Variants in SLC25A48 observed in about 807,000 individuals in gnomAD.
SLC25A48 encodes the protein solute carrier family 25 member 48.
In SLC25A48, 29 loss-of-function variants were observed where a neutral mutation model predicts 32.2. The ratio of observed to expected loss-of-function variants is 0.90; its 90% CI spans 0.67 to 1.23. The LOEUF (loss-of-function observed/expected upper bound fraction) is 1.23. SLC25A48 is among the 50% of genes most tolerant of loss of function. The pLI is 0.00. For synonymous variants in SLC25A48, 164 were observed against 172.3 expected, an observed-to-expected ratio of 0.95 and a Z score of 0.38; for missense variants, 399 against 422.7, an observed-to-expected ratio of 0.94 and a Z score of 0.49.
At chr5:135,769,157 A>C (rs1278732218) in intron 3 of SLC25A48, among the ~76,000 whole-genome samples, 6 of 145,730 alleles carry the variant, frequency 4.1e-5, no homozygotes, top group African/African-American at 1.5e-4. Flanking sequence ...AGGGGTGTAC[A>C]CCCCCCTGTG....
rs201618673 is a variant in SLC25A48 at position 135,886,787 on chromosome 5, C to T, written c.*8-1245C>T. 4.8e-4 allele frequency among the ~76,000 whole-genome samples: 72 copies of T among 149,596 alleles called. 1 individual carries two copies. Among genetic ancestry groups the T allele is most frequent in the Non-Finnish European group, 8.9e-4 (60 of 67,446 alleles). ...TGGCAGGGACCCTGCCCTCAGGGAG[C>T]TTAGTATCAGGCATTAATTTCTGTT... On this transcript the variant is annotated intron_variant, in intron 7 of 7. Transcript: ENST00000681962.
intron 4 of SLC25A48, among the ~76,000 whole-genome samples, chr5:135,814,520 ATGAGT>A (rs1223408702): frequency 2.6e-5 from 4 of 152,152 alleles, no homozygotes; most frequent in Admixed American, 1.3e-4. Context: ...CAGACAAAAT[ATGAGT>A]CATCAGAAAG....
intron 1 of SLC25A48, among the ~76,000 whole-genome samples, chr5:135,599,221 G>A (rs906593359): frequency 6.6e-6 from 1 of 152,050 alleles, no homozygotes; most frequent in African/African-American, 2.4e-5. Context: ...GGACAGTGTG[G>A]CTGCCTTCTC....
At chr5:135,879,609 A>T (rs55692048) in intron 6 of SLC25A48, among the ~76,000 whole-genome samples, 18,855 of 125,412 alleles carry the variant, frequency 0.15, 1,364 homozygotes, top group African/African-American at 0.28. Flanking sequence ...AGAGAGAGAG[A>T]GAGTGTGTGT....
rs192253787 is a variant in SLC25A48, at chr5:135,710,271, G to C, written c.-521+75315G>C. ...CTGTATGTACTCATAGCTGATGCAG[G>C]AAATGGGAATTATAGCCTCAATTAC... On this transcript the variant is annotated intron_variant, in intron 3 of 10. Transcript: ENST00000646290. Among the ~76,000 whole-genome samples the C allele has an allele frequency of 8.5e-5, 13 of 152,344 alleles. No individual in the cohort carries two copies. The East Asian group carries it at 2.5e-3, about 29-fold the overall frequency.
chr5:135,611,230 C>T (rs532435873), intron 1 of SLC25A48, among the ~76,000 whole-genome samples: 22 of 152,044 alleles, frequency 1.4e-4, no homozygotes, highest in Non-Finnish European at 2.5e-4. Flanking sequence ...CTTGTCAGGC[C>T]GGGGTGCGGT....
intron 1 of SLC25A48, among the ~76,000 whole-genome samples, chr5:135,590,004 T>A (rs1751478774): frequency 6.6e-6 from 1 of 152,344 alleles, no homozygotes; most frequent in South Asian, 2.1e-4. Flanking sequence ...AGATGCATTT[T>A]AAATCCAGTC....
At chr5:135,628,825 C>T (rs931128878) in intron 1 of SLC25A48, among the ~76,000 whole-genome samples, 4 of 152,124 alleles carry the variant, frequency 2.6e-5, no homozygotes, top group African/African-American at 7.2e-5. Flanking sequence ...ATGTCAGAGG[C>T]GTCATTACCA....
chr5:135,740,121 A>G (rs1755466106), intron 3 of SLC25A48, among the ~76,000 whole-genome samples: 1 of 152,194 alleles, frequency 6.6e-6, no homozygotes, highest in African/African-American at 2.4e-5. Context: ...TCAAATGGAA[A>G]GAGATTGCTA....
chr5:135,673,695 A>G (rs993642657), intron 3 of SLC25A48, among the ~76,000 whole-genome samples: 3 of 152,044 alleles, frequency 2.0e-5, no homozygotes, highest in Non-Finnish European at 4.4e-5. Context: ...CTTTTAATGA[A>G]CAAATATTTT....
At chr5:135,676,565 G>C (rs1392151590) in intron 3 of SLC25A48, among the ~76,000 whole-genome samples, 2 of 151,686 alleles carry the variant, frequency 1.3e-5, no homozygotes, top group African/African-American at 4.8e-5. Context: ...TGTTTATTTG[G>C]AATCTTTCTT....
intron 3 of SLC25A48, among the ~76,000 whole-genome samples, chr5:135,686,373 C>T (rs1331971186): frequency 6.6e-6 from 1 of 152,226 alleles, no homozygotes; most frequent in African/African-American, 2.4e-5. Flanking sequence ...CTCTCTGACC[C>T]CTACCTTGTT....
At chr5:135,658,965 A>G (rs1089360) in intron 3 of SLC25A48, among the ~76,000 whole-genome samples, 118,733 of 152,184 alleles carry the variant, frequency 0.78, 46,645 homozygotes, top group East Asian at 1. Flanking sequence ...ATGCCTCTAG[A>G]CCCGTGATGG....
chr5:135,879,611 A>AGTGTGTGTGTGT (rs775091968), intron 6 of SLC25A48, among the ~76,000 whole-genome samples: 8 of 119,414 alleles, frequency 6.7e-5, no homozygotes, highest in South Asian at 5.7e-4. Flanking sequence ...AGAGAGAGAG[A>AGTGTGTGTGTGT]GTGTGTGTGT....
intron 4 of SLC25A48, among the ~76,000 whole-genome samples, chr5:135,814,046 G>A (rs943436893): frequency 1.3e-5 from 2 of 152,162 alleles, no homozygotes; most frequent in East Asian, 1.9e-4. Flanking sequence ...CCCATGTGGC[G>A]GGTTTGGGGA....
chr5:135,592,289 G>A (rs1019069673), intron 1 of SLC25A48, among the ~76,000 whole-genome samples: 1 of 152,218 alleles, frequency 6.6e-6, no homozygotes, highest in Non-Finnish European at 1.5e-5. Context: ...GCCTCATCAG[G>A]GAGGCGTGAT....
At chr5:135,688,190 A>G (rs1754062168) in intron 3 of SLC25A48, among the ~76,000 whole-genome samples, 1 of 152,218 alleles carries the variant, frequency 6.6e-6, no homozygotes, top group African/African-American at 2.4e-5. Flanking sequence ...CATCCAAGTC[A>G]TAGCCTGTCA....
At chr5:135,648,422 T>G (rs536708731) in intron 3 of SLC25A48, among the ~76,000 whole-genome samples, 1 of 152,354 alleles carries the variant, frequency 6.6e-6, no homozygotes, top group Admixed American at 6.5e-5. Flanking sequence ...ATTAATATTT[T>G]GAAACCTCAA....
At chr5:135,802,248 C>T (rs1258635957) in intron 3 of SLC25A48, among the ~76,000 whole-genome samples, 1 of 151,702 alleles carries the variant, frequency 6.6e-6, no homozygotes, top group Non-Finnish European at 1.5e-5. Context: ...TGGGTGTACA[C>T]CATGCATGTA....
Sources: gnomAD v4.1 joint callset for allele counts (sites outside exome capture counted in the v4.1 genomes callset) on GRCh38, gnomAD v4.1.1 for gene constraint, MANE v1.5 for transcripts, NCBI Gene and HGNC (gene_info 2026-07-23, HGNC 2026-07-21) for gene names.